The following STARD5 variants were observed in gnomAD, a reference collection of about 807,000 sequenced individuals.
STARD5 encodes the protein stAR-related lipid transfer protein 5.
STARD5 carries 26 observed loss-of-function variants against 24.6 expected under a neutral mutation model. The ratio of observed to expected loss-of-function variants is 1.06; its 90% CI spans 0.77 to 1.47. The LOEUF (loss-of-function observed/expected upper bound fraction) is 1.47. STARD5 is among the 40% of genes most tolerant of loss of function. STARD5 has a pLI of 0.00. For synonymous variants in STARD5, 101 were observed against 99.7 expected, an observed-to-expected ratio of 1.01 and a Z score of -0.07; for missense variants, 254 against 270.8, an observed-to-expected ratio of 0.94 and a Z score of 0.44.
In STARD5 at chr15:81,313,022, G is replaced by A; in HGVS notation, c.*234C>T. On this transcript the variant is annotated 3_prime_UTR_variant, in exon 6 of 6. Transcript: ENST00000302824. ...CCAGGAGAGGCGTGTTTGGGTAACA[G>A]GCAGATGGAGTTTGGAACACATGAA... 8.7e-6 allele frequency: 3 copies of A among 342,990 alleles called. No individual in the cohort carries two copies. The highest frequency in any genetic ancestry group is 1.6e-5 in the Non-Finnish European group (3 of 191,422). The allele number at this position is 342,990 out of a possible 1,614,324, so 21.2% of individuals were successfully genotyped here. A position where few individuals can be genotyped will look rare whatever the true frequency, so the allele number is the denominator to read the frequency against.
rs1900874200 is a variant in STARD5, at chr15:81,311,873, A to G, written c.*1383T>C. ...AATTTGTAGTTGCAATAGAACAGAG[A>G]AAGAGGAAGCTTTCTGTCTCCTTAA... On this transcript the variant is annotated 3_prime_UTR_variant, in exon 6 of 6. Coordinates refer to ENST00000302824, the MANE Select transcript of STARD5 (RefSeq NM_181900.3). 6.6e-6 allele frequency: 1 copy of G among 152,192 alleles called. No individual in the cohort carries two copies. The highest frequency in any genetic ancestry group is 1.5e-5 in the Non-Finnish European group (1 of 68,024). 9.4% of individuals were successfully genotyped at this position (152,192 alleles called of 1,614,324 possible).
At chr15:81,322,364 T>C in intron 3 of STARD5, 44 bp downstream of exon 3, 1 of 1,613,124 alleles carries the variant, frequency 6.2e-7, no homozygotes, top group East Asian at 2.2e-5. Context: ...TACTATAGCC[T>C]GGCCCAGACA....
In STARD5 at chr15:81,310,064, A is replaced by T. The variant is rs1010602494; in HGVS notation, c.*3192T>A. The T allele has an allele frequency of 6.6e-6, 1 of 152,278 alleles. No homozygotes were observed. Among genetic ancestry groups the T allele is most frequent in the Non-Finnish European group, 1.5e-5 (1 of 68,044 alleles). 9.4% of individuals were successfully genotyped at this position (152,278 alleles called of 1,614,324 possible). ...CTCTGGATGCCTGATTGCCAAGCTC[A>T]GGACCAGGCAATGTGACTTTGCATC... On this transcript the variant is annotated 3_prime_UTR_variant, in exon 6 of 6. Coordinates refer to ENST00000302824, the MANE Select transcript of STARD5 (RefSeq NM_181900.3).
intron 3 of STARD5, 30 bp downstream of exon 3, chr15:81,322,378 T>C (rs758400493): frequency 1.9e-6 from 3 of 1,614,030 alleles, no homozygotes; most frequent in Non-Finnish European, 2.5e-6. Context: ...CCAGACACTA[T>C]CTAGAGATAA....
chr15:81,317,469 C>T (rs982067365), intron 5 of STARD5, among the ~76,000 whole-genome samples: 1 of 152,136 alleles, frequency 6.6e-6, no homozygotes, highest in Non-Finnish European at 1.5e-5. Context: ...AGAACTGAAA[C>T]TGAGTGCAGG....
intron 5 of STARD5, among the ~76,000 whole-genome samples, chr15:81,317,261 T>C (rs1901103983): frequency 1.4e-5 from 2 of 140,216 alleles, no homozygotes; most frequent in African/African-American, 2.8e-5. Flanking sequence ...TGCTACCCAT[T>C]ATATTGTGCA....
intron 3 of STARD5, among the ~76,000 whole-genome samples, chr15:81,321,164 G>A (rs12907723): frequency 0.15 from 22,575 of 152,044 alleles, 2,123 homozygotes; most frequent in South Asian, 0.37. Context: ...CTTTTCATGG[G>A]CTTATGAGTT....
chr15:81,318,565 G>T, intron 4 of STARD5, 63 bp from the exon 5 acceptor site: 1 of 1,460,330 alleles, frequency 6.8e-7, no homozygotes, highest in Non-Finnish European at 9.5e-7. Flanking sequence ...CTGCCATTGG[G>T]GTGCCATAGA....
intron 3 of STARD5, among the ~76,000 whole-genome samples, chr15:81,320,313 G>A (rs188153313): frequency 1.3e-5 from 2 of 152,280 alleles, no homozygotes; most frequent in African/African-American, 2.4e-5. Context: ...GGACACTTTC[G>A]GCCTCAGGAA....
chr15:81,319,284 A>G (rs145741283), intron 4 of STARD5, 55 bp downstream of exon 4: 8 of 1,477,874 alleles, frequency 5.4e-6, no homozygotes, highest in Non-Finnish European at 7.6e-6. Context: ...TGGGGTGCAG[A>G]AGAGAAAGCT....
At position 81,321,566 on chromosome 15, in the gene STARD5, C is replaced by T. The variant is rs559011679; in HGVS notation, c.282+842G>A. Among the ~76,000 whole-genome samples, 275 of 150,738 alleles carry T rather than the reference C, an allele frequency of 1.8e-3. 1 individual carries two copies. Among genetic ancestry groups the T allele is most frequent in the African/African-American group, 6.3e-3 (258 of 40,828 alleles). ...CAGAGGCTGCAGTGAGCCAAGATCACGCCACTGTACTCCAGCCTAGCGACA... is the reference window on the plus strand; with the variant it reads ...CAGAGGCTGCAGTGAGCCAAGATCATGCCACTGTACTCCAGCCTAGCGACA... On this transcript the variant is annotated intron_variant, in intron 3 of 5. Transcript: ENST00000302824.
chr15:81,314,817 C>T (rs1005432288), intron 5 of STARD5, among the ~76,000 whole-genome samples: 1 of 136,640 alleles, frequency 7.3e-6, no homozygotes, highest in Non-Finnish European at 1.5e-5. Context: ...ACCTGGGAGG[C>T]GGAGGTTGCA....
chr15:81,323,492 G>A, intron 1 of STARD5: 1 of 479,896 alleles, frequency 2.1e-6, no homozygotes, highest in Non-Finnish European at 3.9e-6. Context: ...AGTCAGAAGG[G>A]TCAAGCAAAA....
Position 81,309,573 on chromosome 15 carries a change from A to T in STARD5, c.*3683T>A, listed in dbSNP as rs1450288246. 1 of 152,246 alleles carries T rather than the reference A, an allele frequency of 6.6e-6. No individual in the cohort carries two copies. Among genetic ancestry groups the T allele is most frequent in the Non-Finnish European group, 1.5e-5 (1 of 68,042 alleles). 9.4% of individuals were successfully genotyped at this position (152,246 alleles called of 1,614,324 possible). ...AGAGGAAATATTGCTGGGGTCATTT[A>T]TGAAAAATACAGTTTGTCACATGAA... On this transcript the variant is annotated 3_prime_UTR_variant, in exon 6 of 6. Coordinates refer to ENST00000302824, the MANE Select transcript of STARD5 (RefSeq NM_181900.3).
In STARD5 at chr15:81,313,271, C is replaced by T. The variant is rs61659195; in HGVS notation, c.627G>A (p.Lys209=). Residue 209 remains lysine, a synonymous_variant, in exon 6 of 6, where the codon AAG becomes AAA. Coordinates refer to ENST00000302824, the MANE Select transcript of STARD5 (RefSeq NM_181900.3). ...RFYANLQKAV[K]QFHE ...AACGATAGCATTACTCATGGAATTG[C>T]TTCACTGCTTTCTGAAGGTTGGCAT... is the stretch of plus-strand genomic sequence containing the variant. 1.4e-3 allele frequency: 2,253 copies of T among 1,573,550 alleles called. 26 individuals carry two copies. In the African/African-American group the frequency reaches 0.027, roughly 19 times the overall value.
intron 3 of STARD5, among the ~76,000 whole-genome samples, chr15:81,320,974 T>A (rs764403632): frequency 6.6e-6 from 1 of 152,236 alleles, no homozygotes; most frequent in Non-Finnish European, 1.5e-5. Flanking sequence ...ATTTGAGAGT[T>A]GCCAAAAGCA....
In STARD5 at chr15:81,310,580, G is replaced by A. The variant is rs768861757; in HGVS notation, c.*2676C>T. 3 of 152,194 alleles carry A rather than the reference G, an allele frequency of 2.0e-5. No homozygotes were observed. Among genetic ancestry groups the A allele is most frequent in the East Asian group, 1.9e-4 (1 of 5,194 alleles). The allele number at this position is 152,194 out of a possible 1,614,324, so 9.4% of individuals were successfully genotyped here. ...TGAACATAATCTACCAACGAAAGAC[G>A]TGATTCAATTCAACACTCCCTTCCC... On this transcript the variant is annotated 3_prime_UTR_variant, in exon 6 of 6. Transcript: ENST00000302824.
In STARD5 at chr15:81,324,016, C is replaced by T; in HGVS notation, c.84G>A (p.Lys28=). 1 of 1,602,770 alleles carries T rather than the reference C, an allele frequency of 6.2e-7. No individual in the cohort carries two copies. The change falls in exon 1 of 6, where the codon AAG becomes AAA. Residue 28 remains lysine, a synonymous_variant. Coordinates refer to ENST00000302824, the MANE Select transcript of STARD5 (RefSeq NM_181900.3). ...CCTCACTCACGCCTTCCCGGCAAAT[C>T]TTCCAGCCTGCTGTGTCCCGCCGGT... The part of the protein sequence containing the change: ...LQYRRDTAGW[K]ICREGNGVSV...
At chr15:81,314,355 G>A (rs908401083) in intron 5 of STARD5, among the ~76,000 whole-genome samples, 1 of 152,184 alleles carries the variant, frequency 6.6e-6, no homozygotes, top group Admixed American at 6.5e-5. Context: ...AGGGGCACAC[G>A]ATGTGGAGAT....
Sources: gnomAD v4.1 joint callset for allele counts (sites outside exome capture counted in the v4.1 genomes callset) on GRCh38, gnomAD v4.1.1 for gene constraint, MANE v1.5 for transcripts, NCBI Gene and HGNC (gene_info 2026-07-23, HGNC 2026-07-21) for gene names.